PRH1: variants seen among roughly 807,000 people sequenced by gnomAD.
PRH1 encodes proline rich protein HaeIII subfamily 1.
A neutral mutation model predicts 7.9 loss-of-function variants in PRH1; 7 were observed. That is an observed-to-expected ratio of 0.89 (90% confidence interval 0.50 to 1.67). The LOEUF (loss-of-function observed/expected upper bound fraction) is 1.67. PRH1 is among the 40% of genes most tolerant of loss of function. The probability of loss-of-function intolerance (pLI) is 0.00; values close to 1 mark genes in which losing one functional copy is unlikely to be tolerated. For synonymous variants in PRH1, 45 were observed against 80.8 expected, an observed-to-expected ratio of 0.56 and a Z score of 2.38; for missense variants, 109 against 223.6, an observed-to-expected ratio of 0.49 and a Z score of 3.27.
At chr12:11,130,382 A>G (rs2016674) in intron 1 of PRH1, among the ~76,000 whole-genome samples, 69,131 of 151,934 alleles carry the variant, frequency 0.46, 16,522 homozygotes, top group Non-Finnish European at 0.53. Flanking sequence ...TGCTCTCTCT[A>G]TATATTTCCT....
chr12:11,120,751 G>A (rs1023217915), downstream of PRH1: 4 of 152,006 alleles, frequency 2.6e-5, no homozygotes, highest in African/African-American at 9.7e-5. Flanking sequence ...AAAAAATGTT[G>A]TGTATATATT....
chr12:11,134,898 A>T (rs555566007), intron 1 of PRH1, among the ~76,000 whole-genome samples: 2 of 152,248 alleles, frequency 1.3e-5, no homozygotes, highest in African/African-American at 4.8e-5. Context: ...TCACAAGCTC[A>T]TAAATACACA....
intron 2 of PRH1, among the ~76,000 whole-genome samples, chr12:10,931,840 T>G (rs767938585): frequency 6.6e-6 from 1 of 152,136 alleles, no homozygotes; most frequent in Non-Finnish European, 1.5e-5. Context: ...TACAATTATA[T>G]ATGATGCTAT....
intron 1 of PRH1, among the ~76,000 whole-genome samples, chr12:11,041,501 C>G (rs1330188199): frequency 1.3e-5 from 2 of 152,028 alleles, no homozygotes; most frequent in Non-Finnish European, 2.9e-5. Flanking sequence ...TAGAGCAAAG[C>G]AAAGAGAAAA....
intron 1 of PRH1, among the ~76,000 whole-genome samples, chr12:11,127,298 G>A (rs923171200): frequency 6.6e-6 from 1 of 151,808 alleles, no homozygotes; most frequent in Non-Finnish European, 1.5e-5. Context: ...TCATCATTTT[G>A]CAATTTTTTC....
rs776327763 is a variant in PRH1 at position 11,031,267 on chromosome 12, A to G, written c.-126+15753T>C. 2.5e-6 allele frequency: 4 copies of G among 1,613,988 alleles called. No homozygotes were observed. In the African/African-American group the frequency reaches 5.3e-5, roughly 22 times the overall value. On this transcript the variant is annotated intron_variant, in intron 1 of 3. Transcript: ENST00000539853. Reference sequence around the variant, plus strand: ...AATTTACCAATGCTATGAAGCCATTAGCAAAATTTCCAATAACAAATAGAA... The same window carrying G: ...AATTTACCAATGCTATGAAGCCATTGGCAAAATTTCCAATAACAAATAGAA...
intron 2 of PRH1, among the ~76,000 whole-genome samples, chr12:10,911,021 A>G (rs1949891678): frequency 6.6e-6 from 1 of 152,212 alleles, no homozygotes; most frequent in Non-Finnish European, 1.5e-5. Flanking sequence ...GATAGAATAG[A>G]AAATGTCTCC....
At chr12:11,030,355 C>T in intron 1 of PRH1, 4 of 1,570,032 alleles carry the variant, frequency 2.5e-6, no homozygotes, top group Non-Finnish European at 3.4e-6. Context: ...ATGTTTCATA[C>T]ACCACCAGTT....
rs866172526 is a variant in PRH1, at chr12:11,094,899, C to T, written n.124-47711G>A. On this transcript the variant is annotated intron_variant and non_coding_transcript_variant, in intron 1 of 4. Coordinates refer to the PRH1 transcript ENST00000541977. ...CTTTCCAAGTCCCTAAACCCTTCTT[C>T]GCATCTCCTGATATAAGCAATATCC... Among the ~76,000 whole-genome samples, 4 of 103,018 alleles carry T rather than the reference C, an allele frequency of 3.9e-5. 1 individual carries two copies. In the Middle Eastern group the frequency reaches 0.017, roughly 426 times the overall value. 67.6% of individuals were successfully genotyped at this position (103,018 alleles called of 152,430 possible).
chr12:11,171,199 C>G (rs1156341441), intron 1 of PRH1: 1 of 419,120 alleles, frequency 2.4e-6, no homozygotes, highest in Non-Finnish European at 4.1e-6. Context: ...CCCGGGGCTA[C>G]GCGCCGCACT....
At chr12:11,108,193 G>T (rs1945484735) in intron 1 of PRH1, among the ~76,000 whole-genome samples, 1 of 152,216 alleles carries the variant, frequency 6.6e-6, no homozygotes, top group African/African-American at 2.4e-5. Context: ...GATTACTTCA[G>T]TCAGAAAGAA....
intron 2 of PRH1, among the ~76,000 whole-genome samples, chr12:10,924,835 ATCAGT>A (rs1950102699): frequency 6.6e-6 from 1 of 152,134 alleles, no homozygotes; most frequent in Non-Finnish European, 1.5e-5. Context: ...TTTCTGTGGA[ATCAGT>A]GGTGATATCC....
At chr12:11,107,486 T>C (rs2136296378) in intron 1 of PRH1, among the ~76,000 whole-genome samples, 1 of 152,346 alleles carries the variant, frequency 6.6e-6, no homozygotes, top group Non-Finnish European at 1.5e-5. Flanking sequence ...TGCAGTTATA[T>C]ATTCAGTGCA....
intron 2 of PRH1, among the ~76,000 whole-genome samples, chr12:10,931,636 A>C (rs1478674191): frequency 6.6e-6 from 1 of 152,192 alleles, no homozygotes; most frequent in Non-Finnish European, 1.5e-5. Context: ...TACCCTTACC[A>C]AAACTCCCAC....
intron 1 of PRH1, among the ~76,000 whole-genome samples, chr12:11,002,832 C>T (rs1385233332): frequency 1.3e-5 from 2 of 152,004 alleles, no homozygotes; most frequent in Non-Finnish European, 2.9e-5. Context: ...AACACATATG[C>T]TGTGCACATG....
chr12:11,127,961 T>G (rs539273404), intron 1 of PRH1, among the ~76,000 whole-genome samples: 1 of 151,980 alleles, frequency 6.6e-6, no homozygotes, highest in Non-Finnish European at 1.5e-5. Context: ...AAAACCAAAG[T>G]TAGCCGGGCA....
upstream of PRH1, among the ~76,000 whole-genome samples, chr12:10,887,983 G>A (rs1949518564): frequency 1.3e-5 from 2 of 152,162 alleles, no homozygotes; most frequent in African/African-American, 4.8e-5. Context: ...AACTAGAGAA[G>A]CATAGTATGT....
At chr12:11,168,794 C>T (rs192235292) in intron 1 of PRH1, among the ~76,000 whole-genome samples, 20 of 152,276 alleles carry the variant, frequency 1.3e-4, no homozygotes, top group Admixed American at 5.2e-4. Flanking sequence ...TCATTTATTT[C>T]CCAATGGAAT....
rs184506078 is a variant in PRH1 at position 11,000,969 on chromosome 12, T to A, written c.-125-27248A>T. Reference sequence around the variant, plus strand: ...AAAGCACTCTTACCACCAAGTTTTTTAAAAAAAGTTGGGTTCTTTGTTCAG... The same window carrying A: ...AAAGCACTCTTACCACCAAGTTTTTAAAAAAAAGTTGGGTTCTTTGTTCAG... On this transcript the variant is annotated intron_variant, in intron 1 of 3. Coordinates refer to the PRH1 transcript ENST00000539853. Among the ~76,000 whole-genome samples, 5 of 151,870 alleles carry A rather than the reference T, an allele frequency of 3.3e-5. No homozygotes were observed. The East Asian group carries it at 5.9e-4, about 18-fold the overall frequency.
Sources: allele counts gnomAD v4.1 joint callset (sites outside exome capture counted in the v4.1 genomes callset), GRCh38; gene constraint gnomAD v4.1.1; transcripts MANE v1.5; gene names NCBI Gene and HGNC (gene_info 2026-07-23, HGNC 2026-07-21).